Variants in ARHGAP39 observed in about 807,000 individuals in gnomAD.
ARHGAP39 encodes rho GTPase-activating protein 39.
ARHGAP39 carries 44 observed loss-of-function variants against 106.9 expected under a neutral mutation model. The ratio of observed to expected loss-of-function variants is 0.41; its 90% confidence interval spans 0.32 to 0.53. The LOEUF (loss-of-function observed/expected upper bound fraction) is 0.53. Among genes scored for constraint, ARHGAP39 ranks in the 20% least tolerant of loss-of-function variants. The pLI, the probability that ARHGAP39 is intolerant of heterozygous loss-of-function variation, is 0.21. For missense variants in ARHGAP39, 1,496 were observed against 1,577.3 expected, an observed-to-expected ratio of 0.95 and a Z score of 0.87; for synonymous variants, 768 against 693.2, an observed-to-expected ratio of 1.11 and a Z score of -1.69.
chr8:144,699,810 C>T, the ARHGAP39 span, among the ~76,000 whole-genome samples: 1 of 152,118 alleles, frequency 6.6e-6, no homozygotes, highest in Non-Finnish European at 1.5e-5. Flanking sequence ...TCCACTGGAG[C>T]CCCCAGTCAC....
intron 4 of ARHGAP39, among the ~76,000 whole-genome samples, chr8:144,552,603 G>C (rs1006304360): frequency 6.6e-6 from 1 of 152,166 alleles, no homozygotes; most frequent in Non-Finnish European, 1.5e-5. Flanking sequence ...CTGCCAGGGC[G>C]ACCCCACTGC....
Position 144,646,895 on chromosome 8 carries a change from T to C in ARHGAP39, c.-82+38791A>G, listed in dbSNP as rs1586635543. ...CCCAGAGGGCCCCAGTGCCCTGTGG[T>C]TGGGGTGGTGTTTCCTTCTGTCTCT... is the stretch of plus-strand genomic sequence containing the variant. On this transcript the variant is annotated intron_variant, in intron 1 of 11. Transcript: ENST00000377307. The surrounding 1 kb of genome is among the most constrained non-coding windows in gnomAD (Gnocchi z 5.7). 6.6e-6 allele frequency among the ~76,000 whole-genome samples: 1 copy of C among 151,788 alleles called. No individual in the cohort carries two copies. The highest frequency in any genetic ancestry group is 2.4e-5 in the African/African-American group (1 of 41,346).
At chr8:144,623,196 T>C (rs1162349120) in intron 1 of ARHGAP39, among the ~76,000 whole-genome samples, 1 of 152,066 alleles carries the variant, frequency 6.6e-6, no homozygotes, top group Non-Finnish European at 1.5e-5. Context: ...GCAACCACTA[T>C]GAAGCCAAGT....
rs934965420 is a variant in ARHGAP39, at chr8:144,605,668, C to T, written c.-54G>A. ...AGACGTCAGGGCACCATACGCACAA[C>T]GCCAGCATCAGACGGGAAGGTGCCG... On this transcript the variant is annotated 5_prime_UTR_variant, in exon 2 of 12. Transcript: ENST00000377307. 59 of 1,574,966 alleles carry T rather than the reference C, an allele frequency of 3.7e-5. No individual in the cohort carries two copies. The highest frequency in any genetic ancestry group is 2.7e-5 in the African/African-American group (2 of 74,420).
At chr8:144,642,491 G>GA (rs1222928220) in intron 1 of ARHGAP39, among the ~76,000 whole-genome samples, 2 of 149,802 alleles carry the variant, frequency 1.3e-5, no homozygotes, top group Admixed American at 6.7e-5. Context: ...CGTCTTAGGG[G>GA]AAAAAAAATA....
chr8:144,597,308 C>T (rs2130924151), intron 2 of ARHGAP39, among the ~76,000 whole-genome samples: 1 of 152,384 alleles, frequency 6.6e-6, no homozygotes, highest in Non-Finnish European at 1.5e-5. Context: ...AGCAGCCACA[C>T]CGCCCTACGC....
intron 6 of ARHGAP39, among the ~76,000 whole-genome samples, chr8:144,541,567 T>G (rs1482516987): frequency 1.3e-5 from 2 of 152,240 alleles, no homozygotes; most frequent in African/African-American, 4.8e-5. Context: ...TTCTAGTTTC[T>G]GTCTCTGGGA....
At chr8:144,577,777 A>G (rs1424972536) in intron 3 of ARHGAP39, among the ~76,000 whole-genome samples, 1 of 152,232 alleles carries the variant, frequency 6.6e-6, no homozygotes, top group Non-Finnish European at 1.5e-5. Flanking sequence ...TTACAACAGC[A>G]TCAAAAAGAA....
In ARHGAP39 at chr8:144,645,275, A is replaced by C. The variant is rs1821413022; in HGVS notation, c.-81-39580T>G. On this transcript the variant is annotated intron_variant, in intron 1 of 11. Transcript: ENST00000377307. The surrounding 1 kb of genome is among the most constrained non-coding windows in gnomAD (Gnocchi z 4.4). ...AGCTCTGGGACACTACATGAACTGA[A>C]GGCACGAGAAGTCCAGGTGTCAAGG... 6.6e-6 allele frequency among the ~76,000 whole-genome samples: 1 copy of C among 152,238 alleles called. No homozygotes were observed. Among genetic ancestry groups the C allele is most frequent in the African/African-American group, 2.4e-5 (1 of 41,470 alleles).
intron 1 of ARHGAP39, among the ~76,000 whole-genome samples, chr8:144,658,432 G>A (rs1191023940): frequency 1.3e-5 from 2 of 152,152 alleles, no homozygotes; most frequent in Non-Finnish European, 2.9e-5. Context: ...GTGCCACCAT[G>A]CCCAGCTAAT....
intron 3 of ARHGAP39, among the ~76,000 whole-genome samples, chr8:144,565,845 A>T (rs1444663937): frequency 2.0e-5 from 3 of 151,372 alleles, no homozygotes; most frequent in Non-Finnish European, 2.9e-5. Context: ...CACTTGTCGC[A>T]CTACGGGAGG....
At chr8:144,682,022 A>G (rs1586656112) in intron 1 of ARHGAP39, among the ~76,000 whole-genome samples, 2 of 152,260 alleles carry the variant, frequency 1.3e-5, no homozygotes, top group South Asian at 4.1e-4. Flanking sequence ...TAATCCAAGC[A>G]CTTTGGGAGG....
chr8:144,584,679 C>A (rs576270239), intron 2 of ARHGAP39, among the ~76,000 whole-genome samples: 1 of 152,336 alleles, frequency 6.6e-6, no homozygotes, highest in South Asian at 2.1e-4. Flanking sequence ...AGGAGAATCC[C>A]TTGAACCCGG....
At chr8:144,655,077 A>T (rs538479813) in intron 1 of ARHGAP39, among the ~76,000 whole-genome samples, 2 of 152,174 alleles carry the variant, frequency 1.3e-5, no homozygotes, top group East Asian at 3.9e-4. Context: ...CTTGGAGCAA[A>T]GTTGGGTCTG....
In ARHGAP39 at chr8:144,532,339, C is replaced by T. The variant is rs1816760235; in HGVS notation, c.2946G>A (p.Lys982=). ...GGGGGTCTTCCAGGCCTGTGGGCACCTTCCACTGGTCCACCTGCAGCTTCA... is the reference window on the plus strand; with the variant it reads ...GGGGGTCTTCCAGGCCTGTGGGCACTTTCCACTGGTCCACCTGCAGCTTCA... ...NALKLQVDQW[K]VPTGLEDPHV... Residue 982 remains lysine (K), a synonymous_variant, in exon 10 of 12, where the codon AAG becomes AAA. Coordinates refer to ENST00000377307, the MANE Select transcript of ARHGAP39 (RefSeq NM_025251.3). 5 of 1,612,824 alleles carry T rather than the reference C, an allele frequency of 3.1e-6. No individual in the cohort carries two copies. The East Asian group carries it at 1.1e-4, about 36-fold the overall frequency.
At chr8:144,627,441 C>G (rs553531858) in intron 1 of ARHGAP39, among the ~76,000 whole-genome samples, 2 of 151,592 alleles carry the variant, frequency 1.3e-5, no homozygotes, top group Admixed American at 1.3e-4. Context: ...TGTATTCCCA[C>G]CTACTCAGGA....
At chr8:144,601,499 T>C (rs1286573812) in intron 2 of ARHGAP39, among the ~76,000 whole-genome samples, 18 of 133,974 alleles carry the variant, frequency 1.3e-4, no homozygotes, top group East Asian at 4.8e-4. Flanking sequence ...TGTGTGTGTG[T>C]GCGTGGAGGC....
intron 2 of ARHGAP39, among the ~76,000 whole-genome samples, chr8:144,600,140 CA>C (rs1819794533): frequency 6.6e-6 from 1 of 151,528 alleles, no homozygotes; most frequent in Admixed American, 6.6e-5. Context: ...TGTGCGAGCT[CA>C]TGTACCTACC....
intron 4 of ARHGAP39, among the ~76,000 whole-genome samples, chr8:144,553,963 C>T (rs1817818972): frequency 6.6e-6 from 1 of 152,262 alleles, no homozygotes; most frequent in East Asian, 1.9e-4. Context: ...AGTTTACGGC[C>T]CAGAGGTGCA....
Sources: allele counts gnomAD v4.1 joint callset (sites outside exome capture counted in the v4.1 genomes callset), GRCh38; gene constraint gnomAD v4.1.1; non-coding constraint Gnocchi (gnomAD v3.1); transcripts MANE v1.5; gene names NCBI Gene and HGNC (gene_info 2026-07-23, HGNC 2026-07-21).